Variants in LRP6 observed in about 807,000 individuals in gnomAD.
LRP6 encodes LDL receptor related protein 6.
In LRP6, 43 loss-of-function variants were observed where a neutral mutation model predicts 184.1. The observed-to-expected ratio is 0.23, with a 90% CI of 0.18 to 0.30. The LOEUF is 0.30. LRP6 is among the 10% of genes least tolerant of loss of function. The pLI is 1.00. For missense variants in LRP6, 1,571 were observed against 2,005.3 expected, an observed-to-expected ratio of 0.78 and a Z score of 4.14; for synonymous variants, 719 against 684.9, an observed-to-expected ratio of 1.05 and a Z score of -0.78.
In LRP6 at chr12:12,120,008, T is replaced by TATATATATAC. The variant is rs1949579242; in HGVS notation, c.*1117_*1118insGTATATATAT. 1.1e-5 allele frequency: 1 copy of TATATATATAC among 88,476 alleles called. No individual in the cohort carries two copies. The highest frequency in any genetic ancestry group is 2.5e-5 in the Non-Finnish European group (1 of 40,738). 5.5% of individuals were successfully genotyped at this position (88,476 alleles called of 1,614,324 possible). On this transcript the variant is annotated 3_prime_UTR_variant, in exon 23 of 23. Transcript: ENST00000261349. The stretch of plus-strand genomic sequence containing the variant: ...CAAACAAAATATATATATATATATA[T>TATATATATAC]ATATATATATATATATATATATATA...
intron 7 of LRP6, among the ~76,000 whole-genome samples, chr12:12,168,516 T>TA (rs1404263962): frequency 6.6e-6 from 1 of 152,182 alleles, no homozygotes; most frequent in Admixed American, 6.5e-5. Flanking sequence ...ATCAAGCAGA[T>TA]ACCACCCTAT....
rs866212080 is a variant in LRP6, at chr12:12,220,044, T to C, written c.450-16644A>G. 1.2e-4 allele frequency among the ~76,000 whole-genome samples: 19 copies of C among 152,202 alleles called. No homozygotes were observed. In the South Asian group the frequency reaches 1.4e-3, roughly 12 times the overall value. ...GTTCACGCCTGTAATCCCACCACTTTAGGAGGCTGAGGCGGGCGGATCACC... is the reference window on the plus strand; with the variant it reads ...GTTCACGCCTGTAATCCCACCACTTCAGGAGGCTGAGGCGGGCGGATCACC... On this transcript the variant is annotated intron_variant, in intron 2 of 22. Transcript: ENST00000261349.
intron 1 of LRP6, among the ~76,000 whole-genome samples, chr12:12,265,721 A>T (rs1865738953): frequency 6.6e-6 from 1 of 152,210 alleles, no homozygotes; most frequent in Admixed American, 6.5e-5. Context: ...CAAGTTCAAC[A>T]CTAAATAGTT....
In LRP6 at chr12:12,125,366, TA is replaced by T. The variant is rs370547081; in HGVS notation, c.4378del (p.Tyr1460MetfsTer26). Reference sequence around the variant, plus strand: ...TGCTCCTGTAACATGGGCTCGGTCATAGGGGGGTCCACTGCTTCCCCCCATG... The same window carrying T: ...TGCTCCTGTAACATGGGCTCGGTCATGGGGGGTCCACTGCTTCCCCCCATG... ...SIMGGSSGPP[Y>X]DRAHVTGASS... On this transcript the variant is annotated frameshift_variant, in exon 21 of 23. Coordinates refer to ENST00000261349, the MANE Select transcript of LRP6 (RefSeq NM_002336.3). LOFTEE classifies it high-confidence loss of function. 1 of 1,614,002 alleles carries T rather than the reference TA, an allele frequency of 6.2e-7. No homozygotes were observed. Among genetic ancestry groups the T allele is most frequent in the Non-Finnish European group, 8.5e-7 (1 of 1,179,922 alleles).
rs1865782021 is a variant in LRP6, at chr12:12,266,851, C to T, written c.-116G>A. ...CTGCACGCTCATACTTCCCAGCTTC[C>T]CAGCGAGAGAAGAAAGAAAGGGGCA... is the stretch of plus-strand genomic sequence containing the variant. On this transcript the variant is annotated 5_prime_UTR_variant, in exon 1 of 23. Transcript: ENST00000261349. 1.2e-6 allele frequency: 1 copy of T among 859,640 alleles called. No individual in the cohort carries two copies. The highest frequency in any genetic ancestry group is 1.9e-6 in the Non-Finnish European group (1 of 518,260). The allele number at this position is 859,640 out of a possible 1,614,324, so 53.3% of individuals were successfully genotyped here. A position where few individuals can be genotyped will look rare whatever the true frequency, so the allele number is the denominator to read the frequency against.
rs1862846025 is a variant in LRP6 at position 12,165,123 on chromosome 12, G to A, written c.1718C>T (p.Pro573Leu). The A allele has an allele frequency of 6.2e-7, 1 of 1,614,026 alleles. No individual in the cohort carries two copies. The highest frequency in any genetic ancestry group is 1.7e-5 in the Admixed American group (1 of 60,008). The change falls in exon 8 of 23, where the codon CCT becomes CTT. Residue 573 changes from proline to leucine, a missense_variant. Transcript: ENST00000261349. ...AEREVIIDQL[P>L]DLMGLKATNV... is the part of the protein sequence containing the mutation. ...TGTAGCCTTTAGGCCCATGAGGTCA[G>A]GCAGCTGATCTATGATCACTTCCCT...
rs553499367 is a variant in LRP6 at position 12,118,709 on chromosome 12, A to G, written c.*2417T>C. 9.2e-5 allele frequency: 14 copies of G among 152,348 alleles called. No homozygotes were observed. Among genetic ancestry groups the G allele is most frequent in the African/African-American group, 3.4e-4 (14 of 41,578 alleles). 9.4% of individuals were successfully genotyped at this position (152,348 alleles called of 1,614,324 possible). On this transcript the variant is annotated 3_prime_UTR_variant, in exon 23 of 23. Transcript: ENST00000261349. ...CTCTCATTAAAAAGTACTCCCAGAA[A>G]TATTAAGAATCCATCTCATCTACCC...
intron 15 of LRP6, among the ~76,000 whole-genome samples, chr12:12,143,677 G>GA (rs1438549721): frequency 2.0e-5 from 3 of 151,952 alleles, no homozygotes; most frequent in African/African-American, 4.8e-5. Flanking sequence ...CAGTAATGTG[G>GA]AAAAAAATGC....
intron 1 of LRP6, among the ~76,000 whole-genome samples, chr12:12,261,852 AG>A (rs1401884586): frequency 6.6e-6 from 1 of 152,220 alleles, no homozygotes; most frequent in Non-Finnish European, 1.5e-5. Context: ...CAGAAATACA[AG>A]ATGCAAAACA....
intron 19 of LRP6, among the ~76,000 whole-genome samples, chr12:12,130,062 T>C (rs1370290373): frequency 1.3e-5 from 2 of 152,186 alleles, no homozygotes; most frequent in African/African-American, 2.4e-5. Flanking sequence ...AATTTTCTTA[T>C]AGGCATCAGG....
intron 2 of LRP6, among the ~76,000 whole-genome samples, chr12:12,237,263 T>C (rs894088116): frequency 6.6e-6 from 1 of 152,096 alleles, no homozygotes; most frequent in South Asian, 2.1e-4. Flanking sequence ...AGACCAAATA[T>C]ATTTTCACAA....
At chr12:12,218,848 AG>A (rs1245551342) in intron 2 of LRP6, among the ~76,000 whole-genome samples, 2 of 152,208 alleles carry the variant, frequency 1.3e-5, no homozygotes, top group Non-Finnish European at 2.9e-5. Context: ...ACAAAAAACC[AG>A]GAAGAGACAA....
intron 2 of LRP6, among the ~76,000 whole-genome samples, chr12:12,224,690 C>T (rs1864572573): frequency 6.6e-6 from 1 of 152,180 alleles, no homozygotes; most frequent in African/African-American, 2.4e-5. Flanking sequence ...ACTGATATAA[C>T]ATGGGTTCAC....
At chr12:12,153,541 A>G in intron 12 of LRP6, among the ~76,000 whole-genome samples, 1 of 152,210 alleles carries the variant, frequency 6.6e-6, no homozygotes, top group East Asian at 1.9e-4. Context: ...CTCCAAATAA[A>G]TACCTGCTCC....
At chr12:12,208,915 T>C (rs759903008) in intron 2 of LRP6, among the ~76,000 whole-genome samples, 4 of 152,328 alleles carry the variant, frequency 2.6e-5, no homozygotes, top group South Asian at 2.1e-4. Context: ...TCCATCTTGA[T>C]AGAGTAATAC....
chr12:12,258,079 T>C (rs139287783), intron 1 of LRP6, among the ~76,000 whole-genome samples: 2 of 152,156 alleles, frequency 1.3e-5, no homozygotes, highest in African/African-American at 4.8e-5. Context: ...ATATGCTGAT[T>C]TTTTAGTAGT....
At chr12:12,256,817 A>T (rs1865477172) in intron 1 of LRP6, among the ~76,000 whole-genome samples, 3 of 152,144 alleles carry the variant, frequency 2.0e-5, no homozygotes, top group African/African-American at 7.2e-5. Context: ...AAAAAAACAG[A>T]TTTTTTTAAC....
chr12:12,131,097 A>G (rs7959734), intron 18 of LRP6, among the ~76,000 whole-genome samples: 85 of 78,144 alleles, frequency 1.1e-3, no homozygotes, highest in Non-Finnish European at 7.3e-4. Context: ...ATTTCCTAAC[A>G]TTTTTTTTTT....
intron 3 of LRP6, among the ~76,000 whole-genome samples, chr12:12,199,980 A>T (rs914833750): frequency 6.7e-6 from 1 of 148,304 alleles, no homozygotes; most frequent in East Asian, 1.9e-4. Context: ...AAAAAAAAAA[A>T]AAAAAAAAAA....
Sources: gnomAD v4.1 joint callset for allele counts (sites outside exome capture counted in the v4.1 genomes callset) on GRCh38, gnomAD v4.1.1 for gene constraint, MANE v1.5 for transcripts, NCBI Gene and HGNC (gene_info 2026-07-23, HGNC 2026-07-21) for gene names.